GARIN2: variants seen among roughly 807,000 people sequenced by gnomAD.
GARIN2 encodes golgi associated RAB2 interactor family member 2, also known as Golgi-associated RAB2 interactor protein 2.
the GARIN2 span, among the ~76,000 whole-genome samples, chr14:67,192,494 C>T: frequency 2.0e-5 from 3 of 151,836 alleles, no homozygotes; most frequent in African/African-American, 7.3e-5. Flanking sequence ...AACTGATTCT[C>T]AGGCTTGATT....
At chr14:67,204,530 T>C in the GARIN2 span, 1 of 1,610,318 alleles carries the variant, frequency 6.2e-7, no homozygotes, top group East Asian at 2.2e-5. Context: ...CGTGTGCTTG[T>C]TTGCAGGTTT....
At chr14:67,190,176 A>C in the GARIN2 span, among the ~76,000 whole-genome samples, 2 of 150,134 alleles carry the variant, frequency 1.3e-5, no homozygotes, top group African/African-American at 4.9e-5. Flanking sequence ...CAGCCTCCCA[A>C]AATGCTGGGA....
At chr14:67,194,591 C>T in the GARIN2 span, among the ~76,000 whole-genome samples, 2,924 of 152,102 alleles carry the variant, frequency 0.019, 38 homozygotes, top group Middle Eastern at 0.034. Flanking sequence ...CTGCAACCTC[C>T]GCCTCCCGGG....
At chr14:67,193,476 T>C in the GARIN2 span, among the ~76,000 whole-genome samples, 8 of 142,560 alleles carry the variant, frequency 5.6e-5, no homozygotes, top group Non-Finnish European at 7.7e-5. Flanking sequence ...TCTAGATATC[T>C]AGATACAGAT....
the GARIN2 span, among the ~76,000 whole-genome samples, chr14:67,192,051 C>T: frequency 2.2e-4 from 33 of 152,332 alleles, no homozygotes; most frequent in African/African-American, 6.7e-4. Flanking sequence ...AGTGCTAGAA[C>T]GAGCTCATCC....
At chr14:67,192,916 A>G in the GARIN2 span, among the ~76,000 whole-genome samples, 92 of 146,758 alleles carry the variant, frequency 6.3e-4, 3 homozygotes, top group Admixed American at 2.0e-3. Context: ...ATATATAGAT[A>G]TATATGTATA....
the GARIN2 span, chr14:67,208,517 T>C: frequency 1.3e-6 from 2 of 1,504,384 alleles, no homozygotes; most frequent in East Asian, 2.3e-5. Context: ...ATATGTGCTT[T>C]AGTCTCTTAA....
chr14:67,205,141 T>G, the GARIN2 span: 2 of 1,467,488 alleles, frequency 1.4e-6, no homozygotes, highest in Non-Finnish European at 1.8e-6. Flanking sequence ...CTAGAGGGGT[T>G]ACCGAGATCA....
At chr14:67,205,128 G>A in the GARIN2 span, 1 of 1,508,592 alleles carries the variant, frequency 6.6e-7, no homozygotes, top group Non-Finnish European at 8.9e-7. Context: ...TAATAATCGA[G>A]AACTAGAGGG....
chr14:67,193,417 CTATATT>C, the GARIN2 span, among the ~76,000 whole-genome samples: 1 of 137,974 alleles, frequency 7.2e-6, no homozygotes, highest in Non-Finnish European at 1.6e-5. Context: ...ATCTATATAT[CTATATT>C]TATATCTGTA....
the GARIN2 span, among the ~76,000 whole-genome samples, chr14:67,219,665 T>C: frequency 6.6e-6 from 1 of 152,148 alleles, no homozygotes; most frequent in Non-Finnish European, 1.5e-5. Context: ...TTAGAAATGA[T>C]AAAAAATGAA....
the GARIN2 span, among the ~76,000 whole-genome samples, chr14:67,210,231 A>T: frequency 6.6e-6 from 1 of 152,244 alleles, no homozygotes; most frequent in Non-Finnish European, 1.5e-5. Flanking sequence ...ACCAGGAAAT[A>T]GTATGTCGAT....
chr14:67,199,621 T>C, the GARIN2 span: 7 of 1,585,896 alleles, frequency 4.4e-6, no homozygotes, highest in East Asian at 2.2e-5. Context: ...GTGAGCGCCA[T>C]GGCTTAGCAG....
At chr14:67,211,665 A>G in the GARIN2 span, among the ~76,000 whole-genome samples, 2 of 152,180 alleles carry the variant, frequency 1.3e-5, no homozygotes, top group Non-Finnish European at 2.9e-5. Flanking sequence ...AGTGGCTCAC[A>G]CGCCTGTAAT....
At chr14:67,205,324 A>G in the GARIN2 span, among the ~76,000 whole-genome samples, 1 of 152,194 alleles carries the variant, frequency 6.6e-6, no homozygotes, top group Non-Finnish European at 1.5e-5. Context: ...CCAGCATCAG[A>G]AATGGAAAGA....
At chr14:67,198,019 A>G in the GARIN2 span, 2 of 894,586 alleles carry the variant, frequency 2.2e-6, no homozygotes, top group East Asian at 5.3e-5. Context: ...TGCCTGGTGC[A>G]GTGCCAAGCA....
chr14:67,201,293 C>T, the GARIN2 span: 1 of 350,290 alleles, frequency 2.9e-6, no homozygotes, highest in South Asian at 2.3e-5. Context: ...GACTTTGTCT[C>T]TAAAAACAAA....
chr14:67,198,426 T>G, the GARIN2 span: 2 of 1,030,928 alleles, frequency 1.9e-6, no homozygotes, highest in Non-Finnish European at 2.9e-6. Context: ...GCCGAGGGAA[T>G]GTGTGATACT....
the GARIN2 span, chr14:67,200,543 T>G: frequency 1.7e-5 from 4 of 239,118 alleles, no homozygotes. Flanking sequence ...AAAACTAAAC[T>G]CCTTGTTTAA....
Sources: gnomAD v4.1 joint callset for allele counts (sites outside exome capture counted in the v4.1 genomes callset) on GRCh38, gnomAD v4.1.1 for gene constraint, MANE v1.5 for transcripts, NCBI Gene and HGNC (gene_info 2026-07-23, HGNC 2026-07-21) for gene names.